Variants in COL4A5 observed in about 807,000 individuals in gnomAD.
The protein encoded by COL4A5 is collagen type IV alpha 5 chain, also known as collagen alpha-5(IV) chain.
A neutral mutation model predicts 130.2 loss-of-function variants in COL4A5; 26 were observed. That is an observed-to-expected ratio of 0.20 (90% CI 0.15 to 0.28). The LOEUF (loss-of-function observed/expected upper bound fraction) is 0.28, where lower values mean the gene tolerates loss of function less well. Ranked by LOEUF, COL4A5 falls within the 10% of genes least tolerant of loss-of-function variation. The pLI, the probability that COL4A5 is intolerant of heterozygous loss-of-function variation, is 1.00. For missense variants in COL4A5, 1,131 were observed against 1,344.3 expected (o/e 0.84, Z 2.48); for synonymous variants, 496 against 439.6 (o/e 1.13, Z -1.60).
chrX:108,644,899 C>A, intron 36 of COL4A5, among the ~76,000 whole-genome samples: 1 of 94,431 alleles, frequency 1.1e-5, no homozygotes, highest in Middle Eastern at 5.1e-3. Context: ...GACTCCGTCT[C>A]CAAACAACAA....
At chrX:108,678,904 A>G (rs535896114) in intron 44 of COL4A5, among the ~76,000 whole-genome samples, 1 of 111,815 alleles carries the variant, frequency 8.9e-6, no homozygotes, top group East Asian at 2.8e-4. Context: ...TTTAATCTGA[A>G]ACAGTTCCTA....
intron 36 of COL4A5, among the ~76,000 whole-genome samples, chrX:108,640,108 T>G (rs2143599): frequency 0.25 from 27,342 of 111,223 alleles, 2,801 homozygotes; most frequent in East Asian, 0.57. Flanking sequence ...TCTAGCAACA[T>G]TATTCACAAG....
intron 1 of COL4A5, among the ~76,000 whole-genome samples, chrX:108,490,919 G>A (rs1227205201): frequency 9.0e-6 from 1 of 111,714 alleles, no homozygotes; most frequent in African/African-American, 3.3e-5. Flanking sequence ...TTCTGTTCCT[G>A]CATTAGTTTG....
At chrX:108,598,399 G>C (rs947262818) in intron 24 of COL4A5, among the ~76,000 whole-genome samples, 3 of 111,512 alleles carry the variant, frequency 2.7e-5, no homozygotes, top group African/African-American at 9.8e-5. Flanking sequence ...ATTTTATAAT[G>C]TTATCTAGAC....
chrX:108,465,793 A>T (rs915480107), intron 1 of COL4A5, among the ~76,000 whole-genome samples: 4 of 111,701 alleles, frequency 3.6e-5, no homozygotes, highest in Admixed American at 1.9e-4. Context: ...TTTAATTTTT[A>T]AAAAAATTAT....
rs776628786 is a variant in COL4A5, at chrX:108,611,294, T to C, written c.2396-3617T>C. Among the ~76,000 whole-genome samples, 478 of 111,251 alleles carry C rather than the reference T, an allele frequency of 4.3e-3. 3 individuals carry two copies. The highest frequency in any genetic ancestry group is 6.7e-3 in the Non-Finnish European group (356 of 52,797). ...AGAAAAAAAGATGATTTTGGAAGCATTCAGTTTACCTCATATATTACTTTT... is the reference window on the plus strand; with the variant it reads ...AGAAAAAAAGATGATTTTGGAAGCACTCAGTTTACCTCATATATTACTTTT... On this transcript the variant is annotated intron_variant, in intron 29 of 52. Transcript: ENST00000328300.
intron 36 of COL4A5, among the ~76,000 whole-genome samples, chrX:108,643,019 C>A (rs770156979): frequency 9.9e-5 from 11 of 110,754 alleles, no homozygotes; most frequent in Non-Finnish European, 1.9e-4. Flanking sequence ...TATGATACAA[C>A]AATTGGATGG....
intron 3 of COL4A5, 79 bp downstream of exon 3, chrX:108,559,232 A>C: frequency 1.4e-6 from 1 of 732,114 alleles, no homozygotes; most frequent in Non-Finnish European, 2.2e-6. Context: ...ACATCAACTA[A>C]AAAGTTACTG....
rs749759372 is a variant in COL4A5 at position 108,606,808 on chromosome X, C to T, written c.2311C>T (p.Leu771Phe). Residue 771 changes from leucine to phenylalanine, a missense_variant, in exon 29 of 53, where the codon CTT becomes TTT. Leu to Phe is a conservative substitution (Grantham distance 22). Coordinates refer to ENST00000328300, the MANE Select transcript of COL4A5 (RefSeq NM_033380.3). ...PPGLPGFKGALGPKGDRGFPG... is the reference protein window; with the variant it reads ...PPGLPGFKGAFGPKGDRGFPG... ...AGGACTTCCAGGTTTCAAAGGAGCA[C>T]TTGGTCCAAAAGGTGATCGTGGTTT... The T allele has an allele frequency of 8.3e-7, 1 of 1,211,531 alleles. No individual in the cohort carries two copies. The highest frequency in any genetic ancestry group is 1.8e-5 in the South Asian group (1 of 56,989).
intron 1 of COL4A5, chrX:108,462,948 T>C (rs186714354): frequency 5.1e-4 from 57 of 112,344 alleles, no homozygotes; most frequent in African/African-American, 1.4e-3. Context: ...CCAAGTGGGT[T>C]ACAAACAGCT....
At chrX:108,619,154 A>T (rs1263608208) in intron 30 of COL4A5, among the ~76,000 whole-genome samples, 1 of 111,629 alleles carries the variant, frequency 9.0e-6, no homozygotes, top group African/African-American at 3.3e-5. Flanking sequence ...AACTATCGCT[A>T]CTTTGCCAAC....
At chrX:108,571,969 A>C (rs2066072679) in intron 8 of COL4A5, 132 bp downstream of exon 8, 1 of 535,302 alleles carries the variant, frequency 1.9e-6, no homozygotes, top group African/African-American at 2.3e-5. Flanking sequence ...GTAAACTTAC[A>C]AGCTCTCCTT....
intron 36 of COL4A5, among the ~76,000 whole-genome samples, chrX:108,646,535 G>C (rs2067594110): frequency 1.8e-5 from 2 of 110,984 alleles, no homozygotes; most frequent in South Asian, 3.8e-4. Context: ...TAGGTTGCCT[G>C]TTCACTCTGA....
intron 1 of COL4A5, among the ~76,000 whole-genome samples, chrX:108,483,247 GTA>G (rs2064910343): frequency 9.1e-6 from 1 of 109,979 alleles, no homozygotes; most frequent in African/African-American, 3.3e-5. Flanking sequence ...GTGTGTGTGT[GTA>G]TGTAAAGGGG....
rs2064854242 is a variant in COL4A5 at position 108,478,038 on chromosome X, C to A, written c.81+37832C>A. Among the ~76,000 whole-genome samples the A allele has an allele frequency of 2.7e-5, 3 of 110,646 alleles. No homozygotes were observed. The Admixed American group carries it at 2.9e-4, about 11-fold the overall frequency. ...TGAAGGGTCTGGGCCATTTGTAGTC[C>A]TATCTGGATTGCATTGTTGTAGTTT... On this transcript the variant is annotated intron_variant, in intron 1 of 52. Transcript: ENST00000328300.
intron 50 of COL4A5, chrX:108,694,177 G>T (rs2068687920): frequency 8.9e-6 from 1 of 112,657 alleles, no homozygotes; most frequent in African/African-American, 3.3e-5. Context: ...ATGTCAAGAG[G>T]TCCACTCATG....
chrX:108,577,388 A>G (rs925586118), intron 10 of COL4A5, among the ~76,000 whole-genome samples: 2 of 107,241 alleles, frequency 1.9e-5, no homozygotes, highest in African/African-American at 3.4e-5. Flanking sequence ...AAAAAAAAAA[A>G]AAAAGAAAGA....
At chrX:108,466,012 A>C (rs777624143) in intron 1 of COL4A5, among the ~76,000 whole-genome samples, 1 of 111,863 alleles carries the variant, frequency 8.9e-6, no homozygotes, top group Non-Finnish European at 1.9e-5. Context: ...GAAATAATAC[A>C]TTATGTGACA....
intron 36 of COL4A5, among the ~76,000 whole-genome samples, chrX:108,633,313 G>T (rs1452115594): frequency 9.0e-6 from 1 of 110,977 alleles, no homozygotes; most frequent in Non-Finnish European, 1.9e-5. Context: ...TATAAAAATA[G>T]ATTTATATAT....
Sources: gnomAD v4.1 joint callset for allele counts (sites outside exome capture counted in the v4.1 genomes callset) on GRCh38, gnomAD v4.1.1 for gene constraint, MANE v1.5 for transcripts, NCBI Gene and HGNC (gene_info 2026-07-23, HGNC 2026-07-21) for gene names.